The following UGT1A6 variants were observed in gnomAD, a reference collection of about 807,000 sequenced individuals.
UGT1A6 encodes the protein UDP-glucuronosyltransferase 1A6.
A neutral mutation model predicts 44.4 loss-of-function variants in UGT1A6; 32 were observed. That is an observed-to-expected ratio of 0.72 (90% CI 0.54 to 0.97). The LOEUF (loss-of-function observed/expected upper bound fraction) is 0.97. UGT1A6 is among the 50% of genes least tolerant of loss of function. The probability of loss-of-function intolerance (pLI) is 0.00; values close to 1 mark genes in which losing one functional copy is unlikely to be tolerated. For missense variants in UGT1A6, 685 were observed against 661.9 expected (o/e 1.03, Z -0.38); for synonymous variants, 238 against 248.5 (o/e 0.96, Z 0.40).
rs557222655 is a variant in UGT1A6 at position 233,742,227 on chromosome 2, CCAAA to C, written c.862-24804_862-24801del. 1.9e-3 allele frequency among the ~76,000 whole-genome samples: 286 copies of C among 151,916 alleles called. 2 individuals carry two copies. The highest frequency in any genetic ancestry group is 3.7e-3 in the Admixed American group (56 of 15,294). ...CTCACAGCCTTCAGGGCTGAGAGCCCCAAACAGAGATTTACCCACATATTTATTG... is the reference window on the plus strand; with the variant it reads ...CTCACAGCCTTCAGGGCTGAGAGCCCCAGAGATTTACCCACATATTTATTG... On this transcript the variant is annotated intron_variant, in intron 1 of 4. Coordinates refer to ENST00000305139, the MANE Select transcript of UGT1A6 (RefSeq NM_001072.4).
chr2:233,771,891 A>G (rs1700404574), intron 4 of UGT1A6, among the ~76,000 whole-genome samples: 1 of 145,462 alleles, frequency 6.9e-6, no homozygotes, highest in Admixed American at 7.2e-5. Context: ...TTTCTTAATT[A>G]TAACCTTTCA....
At position 233,718,759 on chromosome 2, in the gene UGT1A6, G is replaced by A; in HGVS notation, c.861+24894G>A. 4 of 1,612,576 alleles carry A rather than the reference G, an allele frequency of 2.5e-6. 1 individual carries two copies. In the Admixed American group the frequency reaches 5.0e-5, roughly 20 times the overall value. On this transcript the variant is annotated intron_variant, in intron 1 of 4. Transcript: ENST00000305139. ...TCAATGACAAGGTAATTAAGGCGAAGGAAACAAATGTAGCAGGCACAGCGT... is the reference window on the plus strand; with the variant it reads ...TCAATGACAAGGTAATTAAGGCGAAAGAAACAAATGTAGCAGGCACAGCGT...
At chr2:233,738,274 T>G (rs890858116) in intron 1 of UGT1A6, among the ~76,000 whole-genome samples, 8 of 152,200 alleles carry the variant, frequency 5.3e-5, no homozygotes, top group Non-Finnish European at 1.2e-4. Flanking sequence ...GCTCTTTCCT[T>G]TATAAATTAC....
intron 1 of UGT1A6, among the ~76,000 whole-genome samples, chr2:233,711,891 A>G (rs2076202856): frequency 6.6e-6 from 1 of 152,204 alleles, no homozygotes; most frequent in Non-Finnish European, 1.5e-5. Context: ...GACGAGTCTC[A>G]TGGGCGTGAG....
chr2:233,762,039 CTG>C (rs1484213771), intron 1 of UGT1A6, among the ~76,000 whole-genome samples: 1 of 152,090 alleles, frequency 6.6e-6, no homozygotes, highest in Non-Finnish European at 1.5e-5. Flanking sequence ...TTTTAATTTT[CTG>C]TGCATTTTCC....
intron 1 of UGT1A6, among the ~76,000 whole-genome samples, chr2:233,710,223 G>T (rs1158018744): frequency 1.3e-5 from 2 of 152,178 alleles, no homozygotes; most frequent in Non-Finnish European, 2.9e-5. Flanking sequence ...GAATAAAGCT[G>T]CTATGACTAT....
chr2:233,751,852 T>C (rs1461134305), intron 1 of UGT1A6, among the ~76,000 whole-genome samples: 2 of 152,196 alleles, frequency 1.3e-5, no homozygotes, highest in East Asian at 1.9e-4. Context: ...TTTAAACCTT[T>C]GTCTTTTATA....
chr2:233,700,299 A>T (rs888595799), intron 1 of UGT1A6, among the ~76,000 whole-genome samples: 1 of 152,336 alleles, frequency 6.6e-6, no homozygotes, highest in East Asian at 1.9e-4. Flanking sequence ...ACTTAGGCCA[A>T]TGTCTACAAT....
chr2:233,711,830 G>A (rs2076199320), intron 1 of UGT1A6, among the ~76,000 whole-genome samples: 1 of 152,220 alleles, frequency 6.6e-6, no homozygotes, highest in Non-Finnish European at 1.5e-5. Context: ...CCAGGACAAG[G>A]AGGCGTCAGC....
intron 1 of UGT1A6, among the ~76,000 whole-genome samples, chr2:233,746,455 T>G (rs1294598845): frequency 6.6e-6 from 1 of 151,652 alleles, no homozygotes; most frequent in Non-Finnish European, 1.5e-5. Context: ...GAAAGTACCT[T>G]CAAAAGGGTT....
At chr2:233,717,883 G>T (rs778761780) in intron 1 of UGT1A6, 1 of 454,838 alleles carries the variant, frequency 2.2e-6, no homozygotes, top group East Asian at 6.9e-5. Context: ...GAAAAGCCTG[G>T]CCATAATCTT....
chr2:233,740,827 A>T lies in UGT1A6; in HGVS notation c.862-26207A>T, dbSNP rs887567904. On this transcript the variant is annotated intron_variant, in intron 1 of 4. Transcript: ENST00000305139. ...AGCACTGTTCTGTTTTTGAGCTGAGACATTTTAAAAGGAGATTTTTCAATT... is the reference window on the plus strand; with the variant it reads ...AGCACTGTTCTGTTTTTGAGCTGAGTCATTTTAAAAGGAGATTTTTCAATT... The T allele has an allele frequency of 9.9e-5, 15 of 151,890 alleles. 1 individual carries two copies. Among genetic ancestry groups the T allele is most frequent in the African/African-American group, 3.6e-4 (15 of 41,128 alleles). 9.4% of individuals were successfully genotyped at this position (151,890 alleles called of 1,614,324 possible).
intron 1 of UGT1A6, among the ~76,000 whole-genome samples, chr2:233,709,506 C>T (rs2076079939): frequency 6.6e-6 from 1 of 152,128 alleles, no homozygotes; most frequent in African/African-American, 2.4e-5. Context: ...CTGCCTCTTG[C>T]TCTCTTTTAG....
At chr2:233,724,380 G>A (rs868115518) in intron 1 of UGT1A6, among the ~76,000 whole-genome samples, 4,371 of 138,732 alleles carry the variant, frequency 0.032, 38 homozygotes, top group African/African-American at 0.047. Flanking sequence ...GCTGCCGGGC[G>A]GAGACGCTCC....
chr2:233,713,704 T>G (rs778886685), intron 1 of UGT1A6: 2 of 1,613,920 alleles, frequency 1.2e-6, no homozygotes, highest in Middle Eastern at 1.7e-4. Context: ...GCCTCTGAGC[T>G]TTTTCAGAGA....
At position 233,731,167 on chromosome 2, in the gene UGT1A6, AT is replaced by A. The variant is rs1179116589; in HGVS notation, c.862-35860del. On this transcript the variant is annotated intron_variant, in intron 1 of 4. Transcript: ENST00000305139. ...TTTTTCTTTTTGATCAAACGACATG[AT>A]TTTTTTATGCAATGTAATTATTCAA... is the stretch of plus-strand genomic sequence containing the variant. 9.2e-5 allele frequency among the ~76,000 whole-genome samples: 14 copies of A among 151,914 alleles called. No homozygotes were observed. The East Asian group carries it at 1.4e-3, about 15-fold the overall frequency.
At chr2:233,713,803 C>T (rs2076347667) in intron 1 of UGT1A6, 2 of 1,614,054 alleles carry the variant, frequency 1.2e-6, no homozygotes, top group Non-Finnish European at 1.7e-6. Context: ...CCGATCATGC[C>T]CAACATGGTC....
chr2:233,729,088 C>A, intron 1 of UGT1A6: 8 of 1,612,432 alleles, frequency 5.0e-6, no homozygotes, highest in Non-Finnish European at 6.8e-6. Flanking sequence ...GCAGGCACAG[C>A]GTGGGGTGGA....
intron 1 of UGT1A6, among the ~76,000 whole-genome samples, chr2:233,736,722 G>A (rs149071654): frequency 0.034 from 5,130 of 151,780 alleles, 99 homozygotes; most frequent in African/African-American, 0.051. Flanking sequence ...CCTTTTTGTT[G>A]ATGTTTATGC....
Sources: allele counts gnomAD v4.1 joint callset (sites outside exome capture counted in the v4.1 genomes callset), GRCh38; gene constraint gnomAD v4.1.1; transcripts MANE v1.5; gene names NCBI Gene and HGNC (gene_info 2026-07-23, HGNC 2026-07-21).